SDCBP2: variants seen among roughly 807,000 people sequenced by gnomAD.
The protein encoded by SDCBP2 is syntenin-2.
SDCBP2 carries 28 observed loss-of-function variants against 30.7 expected under a neutral mutation model. That is an observed-to-expected ratio of 0.91 (90% CI 0.68 to 1.25). SDCBP2 has a LOEUF of 1.25. Among genes scored for constraint, SDCBP2 ranks in the 50% most tolerant of loss-of-function variants. The pLI, the probability that SDCBP2 is intolerant of heterozygous loss-of-function variation, is 0.00. For missense variants in SDCBP2, 399 were observed against 379.0 expected, an observed-to-expected ratio of 1.05 and a Z score of -0.44; for synonymous variants, 166 against 157.3, an observed-to-expected ratio of 1.06 and a Z score of -0.41.
chr20:1,317,845 A>G lies in SDCBP2; in HGVS notation c.225+473T>C, dbSNP rs556302572. 87 of 309,288 alleles carry G rather than the reference A, an allele frequency of 2.8e-4. 1 individual carries two copies. The highest frequency in any genetic ancestry group is 1.5e-3 in the African/African-American group (68 of 45,980). The allele number at this position is 309,288 out of a possible 1,614,324, so 19.2% of individuals were successfully genotyped here. On this transcript the variant is annotated intron_variant, in intron 4 of 8. Transcript: ENST00000360779. ...AGGGGCTTAGGCGGGGACTGGTTCTACAGGTAAATATGTTTTCAGTGGCAT... is the reference window on the plus strand; with the variant it reads ...AGGGGCTTAGGCGGGGACTGGTTCTGCAGGTAAATATGTTTTCAGTGGCAT...
rs760209580 is a variant in SDCBP2, at chr20:1,313,443, C to T, written c.281G>A (p.Ser94Asn). ...GQMVAPVTGY[S>N]LGVRRAEIKP... is the part of the protein sequence containing the mutation. ...GATCTCAGCTCGCCGCACGCCCAGG[C>T]TGTACCCGGTTACCGGTGCCACCAT... The change falls in exon 5 of 9, where the codon AGC (serine) becomes AAC (asparagine). Residue 94 changes from serine (S) to asparagine (N), a missense_variant. Coordinates refer to ENST00000360779, the MANE Select transcript of SDCBP2 (RefSeq NM_080489.5). The surrounding 1 kb of genome is among the most constrained non-coding windows in gnomAD (Gnocchi z 5.2). 1.2e-6 allele frequency: 2 copies of T among 1,602,212 alleles called. No homozygotes were observed. The highest frequency in any genetic ancestry group is 2.2e-5 in the South Asian group (2 of 89,256).
chr20:1,313,600 G>T lies in SDCBP2; in HGVS notation c.226-102C>A. On this transcript the variant is annotated intron_variant, in intron 4 of 8. Transcript: ENST00000360779. This position sits in a 1 kb window ranked among gnomAD's most constrained non-coding sequence, Gnocchi z 5.2. ...GGGATGGGGAAAGGAGGATGGAGCC[G>T]TCCCCGGGTCCCCCCACGTCCCCAG... 2 of 1,431,064 alleles carry T rather than the reference G, an allele frequency of 1.4e-6. No individual in the cohort carries two copies. The highest frequency in any genetic ancestry group is 1.8e-6 in the Non-Finnish European group (2 of 1,094,170). 88.6% of individuals were successfully genotyped at this position (1,431,064 alleles called of 1,614,324 possible).
Position 1,310,235 on chromosome 20 carries a change from C to A in SDCBP2, c.*206G>T, listed in dbSNP as rs2088639894. ...GAGAATCGGCTGCCTGTGGGCCCTG[C>A]CTGAGCCTCAGCCTAGCTTGGAGTC... On this transcript the variant is annotated 3_prime_UTR_variant, in exon 9 of 9. Coordinates refer to ENST00000360779, the MANE Select transcript of SDCBP2 (RefSeq NM_080489.5). 2 of 493,890 alleles carry A rather than the reference C, an allele frequency of 4.0e-6. No individual in the cohort carries two copies. The highest frequency in any genetic ancestry group is 7.2e-6 in the Non-Finnish European group (2 of 275,974). The allele number at this position is 493,890 out of a possible 1,614,324, so 30.6% of individuals were successfully genotyped here. A position where few individuals can be genotyped will look rare whatever the true frequency, so the allele number is the denominator to read the frequency against.
At position 1,312,742 on chromosome 20, in the gene SDCBP2, G is replaced by T; in HGVS notation, c.405C>A (p.Val135=). ...CAAGGGATGCAGGGGTGTTGGCCTG[G>T]ACCAACTGCACAAAGAGCCCCTGGG... ...KVDQGLFVQL[V]QANTPASLVG... Residue 135 remains valine (V), a synonymous_variant, in exon 6 of 9, where the codon GTC becomes GTA. Transcript: ENST00000360779. 6.2e-7 allele frequency: 1 copy of T among 1,613,080 alleles called. No individual in the cohort carries two copies. The highest frequency in any genetic ancestry group is 8.5e-7 in the Non-Finnish European group (1 of 1,179,704).
rs999061643 is a variant in SDCBP2 at position 1,320,680 on chromosome 20, T to C, written c.-19-245A>G. The C allele has an allele frequency of 1.1e-5, 4 of 359,320 alleles. No individual in the cohort carries two copies. Among genetic ancestry groups the C allele is most frequent in the Non-Finnish European group, 1.5e-5 (3 of 196,370 alleles). The allele number at this position is 359,320 out of a possible 1,614,324, so 22.3% of individuals were successfully genotyped here. On this transcript the variant is annotated intron_variant, in intron 1 of 8. Transcript: ENST00000360779. This position sits in a 1 kb window ranked among gnomAD's most constrained non-coding sequence, Gnocchi z 4.7. Reference sequence around the variant, plus strand: ...CTTGGCCACAATGAAGTAAGACCAGTAGGAAATTTATAAAGACTCTCACAC... The same window carrying C: ...CTTGGCCACAATGAAGTAAGACCAGCAGGAAATTTATAAAGACTCTCACAC...
At chr20:1,325,399 T>G (rs1356149026) in intron 1 of SDCBP2, 2 of 152,172 alleles carry the variant, frequency 1.3e-5, no homozygotes, top group African/African-American at 4.8e-5. Flanking sequence ...TAGGGGTGAC[T>G]CCCACGATCC....
rs750079485 is a variant in SDCBP2, at chr20:1,313,285, G to A, written c.384+55C>T. ...CGGGCCCTCTGAGCTCTGAGGCCTG[G>A]CGGGAGAGCGCGTGCAGCTCGAGCT... On this transcript the variant is annotated intron_variant, in intron 5 of 8. Transcript: ENST00000360779. This position sits in a 1 kb window ranked among gnomAD's most constrained non-coding sequence, Gnocchi z 5.2. 1.5e-5 allele frequency: 23 copies of A among 1,560,054 alleles called. No individual in the cohort carries two copies. Among genetic ancestry groups the A allele is most frequent in the Middle Eastern group, 1.7e-4 (1 of 5,966 alleles).
intron 8 of SDCBP2, 44 bp downstream of exon 8, chr20:1,310,755 TG>T: frequency 6.6e-7 from 1 of 1,523,146 alleles, no homozygotes; most frequent in African/African-American, 1.4e-5. Context: ...GTGAAGGGGA[TG>T]GCAGAGGAGG....
intron 8 of SDCBP2, 114 bp from the exon 9 acceptor site, chr20:1,310,609 A>T: frequency 8.9e-7 from 1 of 1,123,238 alleles, no homozygotes; most frequent in Non-Finnish European, 1.3e-6. Context: ...CCCAGTTCTA[A>T]GACTTTCGAA....
Position 1,313,362 on chromosome 20 carries a change from A to T in SDCBP2, c.362T>A (p.Leu121Gln). 1 of 1,611,772 alleles carries T rather than the reference A, an allele frequency of 6.2e-7. No homozygotes were observed. Among genetic ancestry groups the T allele is most frequent in the Non-Finnish European group, 8.5e-7 (1 of 1,179,626 alleles). Residue 121 changes from leucine (L) to glutamine (Q), a missense_variant, in exon 5 of 9, where the codon CTG becomes CAG. By Grantham distance (113) the Leu-to-Gln change is moderately radical (BLOSUM62 -2). Transcript: ENST00000360779. This position sits in a 1 kb window ranked among gnomAD's most constrained non-coding sequence, Gnocchi z 5.2. ...TACCTGGTCGACCTTCCGCAGCCTC[A>T]GCCCGGTCTTGCCGCGCTCGTCCTT... is the stretch of plus-strand genomic sequence containing the variant. ...LCKDERGKTG[L>Q]RLRKVDQGLF...
chr20:1,318,116 A>C, intron 4 of SDCBP2: 3 of 605,316 alleles, frequency 5.0e-6, no homozygotes, highest in Non-Finnish European at 9.3e-6. Context: ...GCTTGTGGGA[A>C]GATCTGAAAC....
chr20:1,310,114 T>C lies in SDCBP2; in HGVS notation c.*327A>G, dbSNP rs2088637870. ...GTTCTCTTAAAATGTGTAACTGTTT[T>C]CCTGGTAGAGCAAAATTTCTTGAAA... On this transcript the variant is annotated 3_prime_UTR_variant, in exon 9 of 9. Transcript: ENST00000360779. The C allele has an allele frequency of 7.6e-6, 2 of 263,196 alleles. No homozygotes were observed. The highest frequency in any genetic ancestry group is 2.1e-4 in the South Asian group (2 of 9,310). 16.3% of individuals were successfully genotyped at this position (263,196 alleles called of 1,614,324 possible). A position where few individuals can be genotyped will look rare whatever the true frequency, so the allele number is the denominator to read the frequency against.
In SDCBP2 at chr20:1,311,900, C is replaced by CTTTTTTTTTTTT. The variant is rs11471529; in HGVS notation, c.732+425_732+436dup. On this transcript the variant is annotated intron_variant, in intron 7 of 8. Transcript: ENST00000360779. ...GTGCTCAGAGCTCTAGGTACACTGT[C>CTTTTTTTTTTTT]TTTTTTTTTTTTTTTTGGAGACAGG... Among the ~76,000 whole-genome samples, 5 of 121,110 alleles carry CTTTTTTTTTTTT rather than the reference C, an allele frequency of 4.1e-5. 1 individual carries two copies. Among genetic ancestry groups the CTTTTTTTTTTTT allele is most frequent in the Non-Finnish European group, 6.4e-5 (4 of 62,026 alleles). The allele number at this position is 121,110 out of a possible 152,430, so 79.5% of individuals were successfully genotyped here.
Position 1,310,856 on chromosome 20 carries a change from C to A in SDCBP2, c.768G>T (p.Gly256=). Residue 256 remains glycine, a synonymous_variant, in exon 8 of 9, where the codon GGG becomes GGT. Transcript: ENST00000360779. ...GGATGATGGTCAGGGTGACAACGTT[C>A]CCAGCCGTGGCCAGAATCTCCATGA... ...KKIMEILATA[G]NVVTLTIIPS... The A allele has an allele frequency of 1.2e-6, 2 of 1,614,006 alleles. No individual in the cohort carries two copies. The highest frequency in any genetic ancestry group is 1.7e-6 in the Non-Finnish European group (2 of 1,179,942).
In SDCBP2 at chr20:1,310,892, C is replaced by G; in HGVS notation, c.733-1G>C. ...CCAGAATCTCCATGATCTTTTTGTC[C>G]TAGGGAGGAGGCAAGTAAGCGATCA... On this transcript the variant is annotated splice_acceptor_variant, in intron 7 of 8. Transcript: ENST00000360779. LOFTEE classifies it high-confidence loss of function. 1 of 1,612,880 alleles carries G rather than the reference C, an allele frequency of 6.2e-7. No individual in the cohort carries two copies. The highest frequency in any genetic ancestry group is 8.5e-7 in the Non-Finnish European group (1 of 1,179,094).
intron 4 of SDCBP2, among the ~76,000 whole-genome samples, chr20:1,314,100 A>C (rs563600518): frequency 2.0e-5 from 3 of 152,232 alleles, no homozygotes; most frequent in African/African-American, 7.2e-5. Flanking sequence ...GACCAAATAA[A>C]AGAGTTTAGC....
At position 1,310,460 on chromosome 20, in the gene SDCBP2, T is replaced by G. The variant is rs201959011; in HGVS notation, c.860A>C (p.His287Pro). Residue 287 changes from histidine (H) to proline (P), a missense_variant, in exon 9 of 9, where the codon CAC (histidine) becomes CCC (proline). His to Pro is a moderately conservative substitution (Grantham distance 77). Coordinates refer to ENST00000360779, the MANE Select transcript of SDCBP2 (RefSeq NM_080489.5). The part of the protein sequence containing the change: ...PPVLLHHTMD[H>P]SIPDA ...GTGGCTTCAGGCATCTGGGATGGAGTGGTCCATGGTGTGGTGGAGCAGGAC... is the reference window on the plus strand; with the variant it reads ...GTGGCTTCAGGCATCTGGGATGGAGGGGTCCATGGTGTGGTGGAGCAGGAC... 6.2e-7 allele frequency: 1 copy of G among 1,613,214 alleles called. No homozygotes were observed.
intron 1 of SDCBP2, among the ~76,000 whole-genome samples, chr20:1,327,959 C>T (rs1600289889): frequency 6.6e-6 from 1 of 152,214 alleles, no homozygotes; most frequent in Non-Finnish European, 1.5e-5. Flanking sequence ...CTTTGTGACT[C>T]TGTGTGCTGT....
intron 7 of SDCBP2, among the ~76,000 whole-genome samples, chr20:1,311,583 T>C (rs2088669984): frequency 6.6e-6 from 1 of 152,228 alleles, no homozygotes; most frequent in African/African-American, 2.4e-5. Flanking sequence ...TGTGTTTTCT[T>C]GGTTGTTCGA....
Sources: allele counts gnomAD v4.1 joint callset (sites outside exome capture counted in the v4.1 genomes callset), GRCh38; gene constraint gnomAD v4.1.1; non-coding constraint Gnocchi (gnomAD v3.1); transcripts MANE v1.5; gene names NCBI Gene and HGNC (gene_info 2026-07-23, HGNC 2026-07-21).